Variants in CCSER1 observed in about 807,000 individuals in gnomAD.
The protein encoded by CCSER1 is coiled-coil serine rich protein 1.
CCSER1 carries 41 observed loss-of-function variants against 82.0 expected under a neutral mutation model. The observed-to-expected ratio is 0.50, with a 90% CI of 0.39 to 0.65. The LOEUF is 0.65. Ranked by LOEUF, CCSER1 falls within the 30% of genes least tolerant of loss-of-function variation. The pLI is 0.00. For synonymous variants in CCSER1, 414 were observed against 383.9 expected, an observed-to-expected ratio of 1.08 and a Z score of -0.92; for missense variants, 1,119 against 1,064.2, an observed-to-expected ratio of 1.05 and a Z score of -0.72.
chr4:90,574,460 G>T (rs898847532), intron 5 of CCSER1, among the ~76,000 whole-genome samples: 2 of 149,910 alleles, frequency 1.3e-5, no homozygotes, highest in Non-Finnish European at 3.0e-5. Context: ...AGTAGAGACG[G>T]GGTTTCACCT....
At chr4:91,533,808 T>G (rs1761154600) in intron 10 of CCSER1, among the ~76,000 whole-genome samples, 1 of 152,072 alleles carries the variant, frequency 6.6e-6, no homozygotes, top group Admixed American at 6.6e-5. Flanking sequence ...AAATAATGAG[T>G]TTAAACATTA....
chr4:90,302,641 A>T (rs1214911528), intron 1 of CCSER1, among the ~76,000 whole-genome samples: 4 of 151,806 alleles, frequency 2.6e-5, no homozygotes, highest in South Asian at 2.1e-4. Flanking sequence ...TCTCTATGAA[A>T]TTTTTTTTAA....
At position 91,304,323 on chromosome 4, in the gene CCSER1, T is replaced by C. The variant is rs566708293; in HGVS notation, c.2217+218329T>C. ...TGTTTATTTACATTTAAAGGAAAGG[T>C]TTAATTTGGTAAATATTAGGTTTAA... is the stretch of plus-strand genomic sequence containing the variant. On this transcript the variant is annotated intron_variant, in intron 10 of 10. Transcript: ENST00000509176. 2.0e-5 allele frequency among the ~76,000 whole-genome samples: 3 copies of C among 152,184 alleles called. No individual in the cohort carries two copies. In the South Asian group the frequency reaches 6.2e-4, roughly 32 times the overall value.
chr4:90,169,161 G>A (rs1052052170), intron 1 of CCSER1, among the ~76,000 whole-genome samples: 2 of 152,038 alleles, frequency 1.3e-5, no homozygotes, highest in Admixed American at 6.6e-5. Flanking sequence ...TTGAGCAGTG[G>A]TTTGTAGTTC....
intron 7 of CCSER1, among the ~76,000 whole-genome samples, chr4:90,738,583 G>A (rs1226098503): frequency 1.8e-4 from 27 of 152,096 alleles, no homozygotes; most frequent in Non-Finnish European, 1.5e-5. Flanking sequence ...ACAGCACTGT[G>A]TCTTCCCAAG....
Position 90,308,898 on chromosome 4 carries a change from A to C in CCSER1, c.614A>C (p.Gln205Pro), listed in dbSNP as rs781070134. ...CAGAGCCAATCCATTTCATTGGTAC[A>C]ACAGTCTGAATTCTCATTGGAAGTT... ...VLQSQSISLV[Q>P]QSEFSLEVTQ... The change falls in exon 2 of 11, where the codon CAA (glutamine) becomes CCA (proline). Residue 205 changes from glutamine (Q) to proline (P), a missense_variant. By Grantham distance (76) the Gln-to-Pro change is moderately conservative. Transcript: ENST00000509176. 1.2e-6 allele frequency: 2 copies of C among 1,613,930 alleles called. No homozygotes were observed. Among genetic ancestry groups the C allele is most frequent in the East Asian group, 4.5e-5 (2 of 44,874 alleles).
chr4:91,398,355 A>T (rs1189576853), intron 10 of CCSER1, among the ~76,000 whole-genome samples: 3 of 152,004 alleles, frequency 2.0e-5, no homozygotes, highest in African/African-American at 4.8e-5. Context: ...AAACTGAATT[A>T]AAAAAGATAA....
rs920022260 is a variant in CCSER1 at position 91,132,414 on chromosome 4, G to A, written c.2217+46420G>A. ...GCATCTAAATTAGGAAATCGACACT[G>A]GGATATGCAAGTGCTAATATCACAG... On this transcript the variant is annotated intron_variant, in intron 10 of 10. Coordinates refer to ENST00000509176, the MANE Select transcript of CCSER1 (RefSeq NM_001145065.2). Among the ~76,000 whole-genome samples the A allele has an allele frequency of 2.9e-4, 44 of 152,172 alleles. 1 individual carries two copies. The highest frequency in any genetic ancestry group is 1.0e-3 in the African/African-American group (43 of 41,438).
chr4:91,047,036 C>A (rs1203534033), intron 9 of CCSER1, among the ~76,000 whole-genome samples: 1 of 152,050 alleles, frequency 6.6e-6, no homozygotes, highest in African/African-American at 2.4e-5. Context: ...TTGTTTATAT[C>A]ATTTACATCC....
In CCSER1 at chr4:91,089,194, C is replaced by T. The variant is rs748912407; in HGVS notation, c.2217+3200C>T. ...GCCGTGATTGATTGAACAATCTAGG[C>T]GGTATGTGACAGGGGCTGCAAGCAC... On this transcript the variant is annotated intron_variant, in intron 10 of 10. Coordinates refer to ENST00000509176, the MANE Select transcript of CCSER1 (RefSeq NM_001145065.2). Among the ~76,000 whole-genome samples the T allele has an allele frequency of 2.6e-5, 4 of 152,096 alleles. No homozygotes were observed. The South Asian group carries it at 8.3e-4, about 32-fold the overall frequency.
intron 10 of CCSER1, among the ~76,000 whole-genome samples, chr4:91,542,851 T>C (rs1761678341): frequency 6.6e-6 from 1 of 152,196 alleles, no homozygotes; most frequent in Non-Finnish European, 1.5e-5. Context: ...AATTCCTGGA[T>C]ATCCTTGTTA....
intron 9 of CCSER1, among the ~76,000 whole-genome samples, chr4:90,926,280 G>A (rs1034920349): frequency 1.3e-5 from 2 of 151,804 alleles, no homozygotes; most frequent in Non-Finnish European, 1.5e-5. Flanking sequence ...GAAACATCTC[G>A]TGGAAATCTT....
At chr4:90,166,036 T>G (rs142997779) in intron 1 of CCSER1, among the ~76,000 whole-genome samples, 1 of 152,180 alleles carries the variant, frequency 6.6e-6, no homozygotes, top group East Asian at 1.9e-4. Flanking sequence ...TAAGATGGTT[T>G]CACTTAACAA....
chr4:91,313,025 C>A (rs1482441486), intron 10 of CCSER1, among the ~76,000 whole-genome samples: 1 of 151,704 alleles, frequency 6.6e-6, no homozygotes, highest in Non-Finnish European at 1.5e-5. Flanking sequence ...AAAATGTATA[C>A]CTTTCCTTTT....
At chr4:90,977,951 G>T (rs1581248138) in intron 9 of CCSER1, among the ~76,000 whole-genome samples, 3 of 151,560 alleles carry the variant, frequency 2.0e-5, no homozygotes, top group Admixed American at 2.0e-4. Context: ...GTATGCAACA[G>T]GCATTCAATG....
At chr4:90,576,167 A>T (rs1001396542) in intron 5 of CCSER1, among the ~76,000 whole-genome samples, 1 of 151,910 alleles carries the variant, frequency 6.6e-6, no homozygotes, top group East Asian at 1.9e-4. Context: ...ACTTTCTAAG[A>T]GATTTGATTG....
intron 4 of CCSER1, among the ~76,000 whole-genome samples, chr4:90,405,630 T>A (rs1753598269): frequency 6.6e-6 from 1 of 152,176 alleles, no homozygotes; most frequent in Non-Finnish European, 1.5e-5. Flanking sequence ...AGGGAACTTA[T>A]AAATGAAAAC....
At chr4:91,127,637 TTTA>T (rs1478303927) in intron 10 of CCSER1, among the ~76,000 whole-genome samples, 3 of 152,096 alleles carry the variant, frequency 2.0e-5, no homozygotes, top group Non-Finnish European at 4.4e-5. Flanking sequence ...CCTCAATTCC[TTTA>T]TTAAGTATTA....
At chr4:90,609,758 C>A (rs530656162) in intron 5 of CCSER1, among the ~76,000 whole-genome samples, 2 of 152,204 alleles carry the variant, frequency 1.3e-5, no homozygotes, top group East Asian at 1.9e-4. Flanking sequence ...AGAGTAGATT[C>A]GGCTACTGAA....
Sources: gnomAD v4.1 joint callset for allele counts (sites outside exome capture counted in the v4.1 genomes callset) on GRCh38, gnomAD v4.1.1 for gene constraint, MANE v1.5 for transcripts, NCBI Gene and HGNC (gene_info 2026-07-23, HGNC 2026-07-21) for gene names.